PTPRK: variants seen among roughly 807,000 people sequenced by gnomAD.
PTPRK encodes receptor-type tyrosine-protein phosphatase kappa.
Under a neutral mutation model 178.0 loss-of-function variants are expected in PTPRK, and 75 were observed. That is an observed-to-expected ratio of 0.42 (90% CI 0.35 to 0.51). PTPRK has a LOEUF of 0.51. PTPRK is among the 20% of genes least tolerant of loss of function. The probability of loss-of-function intolerance (pLI) is 0.02; values close to 1 mark genes in which losing one functional copy is unlikely to be tolerated. For missense variants in PTPRK, 1,441 were observed against 1,797.8 expected, an observed-to-expected ratio of 0.80 and a Z score of 3.59; for synonymous variants, 637 against 620.6, an observed-to-expected ratio of 1.03 and a Z score of -0.39.
chr6:128,044,319 C>A (rs1777685226), intron 13 of PTPRK, among the ~76,000 whole-genome samples: 2 of 151,982 alleles, frequency 1.3e-5, no homozygotes, highest in Non-Finnish European at 2.9e-5. Flanking sequence ...TAAATACACC[C>A]ATTTCTCTCT....
intron 4 of PTPRK, among the ~76,000 whole-genome samples, chr6:128,241,511 T>C (rs577621024): frequency 6.6e-5 from 10 of 152,352 alleles, no homozygotes; most frequent in African/African-American, 1.7e-4. Flanking sequence ...GCTTACAATG[T>C]GTTATAGATG....
intron 6 of PTPRK, among the ~76,000 whole-genome samples, chr6:128,200,859 G>A: frequency 7.7e-6 from 1 of 129,838 alleles, no homozygotes; most frequent in African/African-American, 2.9e-5. Flanking sequence ...GGGGGAGGAG[G>A]AGGGGGAGGG....
chr6:128,192,352 C>G (rs1008846190), intron 6 of PTPRK, among the ~76,000 whole-genome samples: 1 of 152,144 alleles, frequency 6.6e-6, no homozygotes, highest in Non-Finnish European at 1.5e-5. Flanking sequence ...AGTGACTTAG[C>G]TTTTTCTTTT....
chr6:128,182,221 GA>G (rs922877525), intron 7 of PTPRK, among the ~76,000 whole-genome samples: 1 of 152,038 alleles, frequency 6.6e-6, no homozygotes, highest in African/African-American at 2.4e-5. Flanking sequence ...ATGTTTCTCA[GA>G]AAAAAGAATC....
At chr6:128,076,277 T>A (rs545067130) in intron 11 of PTPRK, among the ~76,000 whole-genome samples, 1 of 151,988 alleles carries the variant, frequency 6.6e-6, no homozygotes, top group Non-Finnish European at 1.5e-5. Flanking sequence ...AGCCTCACGA[T>A]AAGGCTACAG....
At chr6:128,177,516 C>T (rs2114670983) in intron 7 of PTPRK, among the ~76,000 whole-genome samples, 1 of 151,912 alleles carries the variant, frequency 6.6e-6, no homozygotes, top group South Asian at 2.1e-4. Context: ...AATACAGTGT[C>T]ATTAACACTG....
At chr6:128,005,982 T>A in intron 14 of PTPRK, 1 of 1,447,978 alleles carries the variant, frequency 6.9e-7, no homozygotes, top group Non-Finnish European at 9.4e-7. Context: ...GGATACTGCA[T>A]CCTTAACACA....
chr6:128,102,129 A>G lies in PTPRK; in HGVS notation c.1163-12137T>C, dbSNP rs555773914. Among the ~76,000 whole-genome samples, 4 of 152,328 alleles carry G rather than the reference A, an allele frequency of 2.6e-5. No individual in the cohort carries two copies. In the East Asian group the frequency reaches 5.8e-4, roughly 22 times the overall value. On this transcript the variant is annotated intron_variant, in intron 7 of 29. Transcript: ENST00000368226. ...TCAATAAATGTTAAAACAAGCAACT[A>G]ATATGTTTGCAATATATAGCAGATT...
At position 128,014,975 on chromosome 6, in the gene PTPRK, T is replaced by G. The variant is rs1583650843; in HGVS notation, c.2195-5707A>C. On this transcript the variant is annotated intron_variant, in intron 13 of 29. Coordinates refer to ENST00000368226, the MANE Select transcript of PTPRK (RefSeq NM_002844.4). ...GTAGTTGGAAAATAATTTATTCTCC[T>G]TTAATAATGATATGGACGTGATCCA... is the stretch of plus-strand genomic sequence containing the variant. 2.0e-5 allele frequency among the ~76,000 whole-genome samples: 3 copies of G among 151,782 alleles called. No homozygotes were observed. The East Asian group carries it at 5.8e-4, about 29-fold the overall frequency.
intron 2 of PTPRK, among the ~76,000 whole-genome samples, chr6:128,332,022 A>G (rs896729930): frequency 6.6e-6 from 1 of 152,132 alleles, no homozygotes; most frequent in Non-Finnish European, 1.5e-5. Flanking sequence ...AACTAAAATG[A>G]AAGTTTCAGT....
chr6:128,078,888 T>C lies in PTPRK; in HGVS notation c.1808A>G (p.Asp603Gly). 6.2e-7 allele frequency: 1 copy of C among 1,612,002 alleles called. No homozygotes were observed. Among genetic ancestry groups the C allele is most frequent in the East Asian group, 2.2e-5 (1 of 44,838 alleles). ...GGTGGCAGTTTCATTGAGAGAGGCA[T>C]CAACTCCTTCATAGTCAGGTAAAGT... is the stretch of plus-strand genomic sequence containing the variant. ...APTLPDYEGV[D>G]ASLNETATTI... Residue 603 changes from aspartate to glycine, a missense_variant, in exon 11 of 30, where the codon GAT becomes GGT. Asp to Gly is a moderately conservative substitution (Grantham distance 94). Transcript: ENST00000368226.
chr6:128,152,942 T>G (rs1439327404), intron 7 of PTPRK, among the ~76,000 whole-genome samples: 1 of 151,964 alleles, frequency 6.6e-6, no homozygotes, highest in South Asian at 2.1e-4. Context: ...TGGAAGGGTC[T>G]GGAACTCAAA....
chr6:128,427,405 G>C (rs919144604), intron 1 of PTPRK, among the ~76,000 whole-genome samples: 1 of 152,146 alleles, frequency 6.6e-6, no homozygotes, highest in Non-Finnish European at 1.5e-5. Context: ...AGGAACTACT[G>C]TGCAGTTACA....
At chr6:128,505,329 T>C (rs948210877) in intron 1 of PTPRK, among the ~76,000 whole-genome samples, 1 of 151,212 alleles carries the variant, frequency 6.6e-6, no homozygotes, top group African/African-American at 2.4e-5. Flanking sequence ...CTATCCCAGC[T>C]ACTCAGGAGG....
chr6:127,973,025 G>A lies in PTPRK; in HGVS notation c.4266C>T (p.Ala1422=). 1 of 1,613,794 alleles carries A rather than the reference G, an allele frequency of 6.2e-7. No homozygotes were observed. The highest frequency in any genetic ancestry group is 8.5e-7 in the Non-Finnish European group (1 of 1,179,850). The change falls in exon 29 of 30, where the codon GCC becomes GCT. Residue 1422 remains alanine (A), a synonymous_variant. Coordinates refer to ENST00000368226, the MANE Select transcript of PTPRK (RefSeq NM_002844.4). ...AATCTAAGATTCTGTGACTCACCGG[G>A]GCTTCCACCATGTTTGGCTTGCTGT... ...LRNSKPNMVE[A]PEQYRFCYDV...
chr6:128,210,093 T>G (rs1807823522), intron 6 of PTPRK, among the ~76,000 whole-genome samples: 1 of 152,060 alleles, frequency 6.6e-6, no homozygotes, highest in Non-Finnish European at 1.5e-5. Context: ...AGGTTTTTTA[T>G]AGAAGTACAC....
At chr6:128,508,205 C>A (rs1218237057) in intron 1 of PTPRK, among the ~76,000 whole-genome samples, 1 of 152,122 alleles carries the variant, frequency 6.6e-6, no homozygotes, top group Non-Finnish European at 1.5e-5. Context: ...TATTACCATG[C>A]CTTAATAGTC....
rs546780665 is a variant in PTPRK, at chr6:128,135,269, TATTCCTTG to T, written c.1163-45285_1163-45278del. 2.6e-5 allele frequency among the ~76,000 whole-genome samples: 4 copies of T among 152,292 alleles called. No homozygotes were observed. The South Asian group carries it at 8.3e-4, about 32-fold the overall frequency. Reference sequence around the variant, plus strand: ...GGGGTTTCCTTTTTTCCACTCTCACTATTCCTTGAACTACTGTTGAACTATGTTTCTTG... The same window carrying T: ...GGGGTTTCCTTTTTTCCACTCTCACTAACTACTGTTGAACTATGTTTCTTG... On this transcript the variant is annotated intron_variant, in intron 7 of 29. Transcript: ENST00000368226.
intron 3 of PTPRK, among the ~76,000 whole-genome samples, chr6:128,248,838 AT>A (rs1337720894): frequency 6.6e-6 from 1 of 152,166 alleles, no homozygotes; most frequent in Non-Finnish European, 1.5e-5. Context: ...CTTTCAAAAA[AT>A]TTTTCTTATT....
Sources: gnomAD v4.1 joint callset for allele counts (sites outside exome capture counted in the v4.1 genomes callset) on GRCh38, gnomAD v4.1.1 for gene constraint, MANE v1.5 for transcripts, NCBI Gene and HGNC (gene_info 2026-07-23, HGNC 2026-07-21) for gene names.